The following CHFR variants were observed in gnomAD, a reference collection of about 807,000 sequenced individuals.
CHFR encodes checkpoint with forkhead and ring finger domains.
A neutral mutation model predicts 87.6 loss-of-function variants in CHFR; 57 were observed. The ratio of observed to expected loss-of-function variants is 0.65; its 90% confidence interval spans 0.53 to 0.81. The LOEUF (loss-of-function observed/expected upper bound fraction) is 0.81. Ranked by LOEUF, CHFR falls within the 30% of genes least tolerant of loss-of-function variation. CHFR has a pLI of 0.00. For synonymous variants in CHFR, 381 were observed against 359.2 expected (o/e 1.06, Z -0.69); for missense variants, 797 against 865.8 (o/e 0.92, Z 1.00).
At position 132,835,322 on chromosome 12, in the gene CHFR, G is replaced by A. The variant is rs1014019182; in HGVS notation, c.*6232C>T. On this transcript the variant is annotated 3_prime_UTR_variant, in exon 18 of 18. Coordinates refer to ENST00000450056, the MANE Select transcript of CHFR (RefSeq NM_001161346.2). ...GGCGTGCGAGCTTTGATGGCAGAGT[G>A]TTACAATATGTTCAAGCCCTAAATC... 2.6e-5 allele frequency: 4 copies of A among 152,192 alleles called. No homozygotes were observed. Among genetic ancestry groups the A allele is most frequent in the African/African-American group, 9.7e-5 (4 of 41,428 alleles). The allele number at this position is 152,192 out of a possible 1,614,324, so 9.4% of individuals were successfully genotyped here. A position where few individuals can be genotyped will look rare whatever the true frequency, so the allele number is the denominator to read the frequency against.
intron 12 of CHFR, among the ~76,000 whole-genome samples, chr12:132,850,994 T>C (rs1950931342): frequency 7.0e-6 from 1 of 142,376 alleles, no homozygotes; most frequent in Non-Finnish European, 1.5e-5. Context: ...TATATATATA[T>C]ATATGTTTTG....
intron 10 of CHFR, chr12:132,854,041 G>C (rs1162672617): frequency 6.5e-6 from 1 of 154,530 alleles, no homozygotes; most frequent in East Asian, 1.9e-4. Context: ...AAAACGAGCA[G>C]ATAAAAATGT....
Position 132,869,664 on chromosome 12 carries a change from A to C in CHFR, c.538T>G (p.Ser180Ala), listed in dbSNP as rs1298843354. The change falls in exon 6 of 18, where the codon TCC (serine) becomes GCC (alanine). Residue 180 changes from serine (S) to alanine (A), a missense_variant. Around this residue, in one of 2 missense-constraint regions of CHFR, gnomAD observed 597 missense variants for 601.2 expected, o/e 0.99. Transcript: ENST00000450056. The part of the protein sequence containing the change: ...SDLFPTASAS[S>A]TEPSPAGRER... ...CGCCCTGCAGGAGAAGGCTCCGTGG[A>C]AGAGGCCGAGGCTGTGGGGAAGAGG... is the stretch of plus-strand genomic sequence containing the variant. The C allele has an allele frequency of 6.4e-7, 1 of 1,551,612 alleles. No homozygotes were observed. Among genetic ancestry groups the C allele is most frequent in the Non-Finnish European group, 8.7e-7 (1 of 1,146,974 alleles).
rs2306538 is a variant in CHFR at position 132,847,298 on chromosome 12, G to C, written c.1648-168C>G. 4.4e-6 allele frequency: 6 copies of C among 1,372,940 alleles called. No homozygotes were observed. The South Asian group carries it at 7.6e-5, about 17-fold the overall frequency. 85.0% of individuals were successfully genotyped at this position (1,372,940 alleles called of 1,614,324 possible). A position where few individuals can be genotyped will look rare whatever the true frequency, so the allele number is the denominator to read the frequency against. On this transcript the variant is annotated intron_variant, in intron 14 of 17. Transcript: ENST00000450056. ...GCTGCACGTTCACGGCCTGCAGCAC[G>C]AGAAGTCTTGTCCAAGAGCCTCCTG...
chr12:132,884,146 C>T (rs536715943), intron 2 of CHFR, among the ~76,000 whole-genome samples: 2 of 151,436 alleles, frequency 1.3e-5, no homozygotes, highest in African/African-American at 4.9e-5. Context: ...AGGCCGGGCA[C>T]AGTGGCTCAC....
At chr12:132,858,820 T>C (rs529540046) in intron 8 of CHFR, among the ~76,000 whole-genome samples, 2 of 141,398 alleles carry the variant, frequency 1.4e-5, no homozygotes, top group South Asian at 4.4e-4. Context: ...GGTGTGCACC[T>C]GTAGTCCCAG....
intron 15 of CHFR, among the ~76,000 whole-genome samples, chr12:132,844,577 C>T (rs556524631): frequency 2.0e-5 from 3 of 151,736 alleles, no homozygotes; most frequent in African/African-American, 7.2e-5. Flanking sequence ...AGCCACTGCG[C>T]CCGGCCACCA....
Position 132,841,055 on chromosome 12 carries a change from CA to C in CHFR, c.*498del, listed in dbSNP as rs1950696422. ...TTAAATCTTATTAGAAGATAAGCAC[CA>C]AACCTATTAAAATAAAAAATAGATA... On this transcript the variant is annotated 3_prime_UTR_variant, in exon 18 of 18. Transcript: ENST00000450056. The C allele has an allele frequency of 6.5e-6, 1 of 153,338 alleles. No homozygotes were observed. The highest frequency in any genetic ancestry group is 1.5e-5 in the Non-Finnish European group (1 of 68,646). 9.5% of individuals were successfully genotyped at this position (153,338 alleles called of 1,614,324 possible).
At chr12:132,871,685 T>C (rs1951493823) in intron 4 of CHFR, among the ~76,000 whole-genome samples, 1 of 152,000 alleles carries the variant, frequency 6.6e-6, no homozygotes, top group Non-Finnish European at 1.5e-5. Context: ...GGCAGGAGAA[T>C]TGCTTGAACC....
At chr12:132,882,137 G>A (rs1447486575) in intron 2 of CHFR, among the ~76,000 whole-genome samples, 1 of 152,212 alleles carries the variant, frequency 6.6e-6, no homozygotes, top group Non-Finnish European at 1.5e-5. Flanking sequence ...ACAGGAAGCA[G>A]TATAAATGTC....
chr12:132,870,712 A>C lies in CHFR; in HGVS notation c.403+12T>G, dbSNP rs1490874323. 6 of 1,583,240 alleles carry C rather than the reference A, an allele frequency of 3.8e-6. No individual in the cohort carries two copies. Among genetic ancestry groups the C allele is most frequent in the Non-Finnish European group, 5.2e-6 (6 of 1,152,444 alleles). On this transcript the variant is annotated intron_variant, in intron 5 of 17. Coordinates refer to ENST00000450056, the MANE Select transcript of CHFR (RefSeq NM_001161346.2). ...TAACATGCACCCACTTCTTTGCTAC[A>C]CTCTTACTTACCAAAGGATTCTTGT...
intron 6 of CHFR, among the ~76,000 whole-genome samples, chr12:132,864,987 T>C (rs947220743): frequency 6.6e-6 from 1 of 152,236 alleles, no homozygotes; most frequent in Non-Finnish European, 1.5e-5. Flanking sequence ...GTTTGATTTC[T>C]GAAGAGGGTC....
intron 2 of CHFR, among the ~76,000 whole-genome samples, chr12:132,878,819 C>G (rs941193317): frequency 1.7e-5 from 1 of 58,854 alleles, no homozygotes; most frequent in Admixed American, 1.9e-4. Flanking sequence ...GACTCTGTCT[C>G]AAAAAAAAAA....
intron 8 of CHFR, among the ~76,000 whole-genome samples, chr12:132,858,018 C>A (rs1318582680): frequency 1.3e-5 from 2 of 152,192 alleles, no homozygotes; most frequent in Non-Finnish European, 2.9e-5. Flanking sequence ...TCTACAGCCT[C>A]CGGCTCTGGG....
chr12:132,872,177 G>A (rs752504914), intron 4 of CHFR, 108 bp downstream of exon 4: 18 of 715,428 alleles, frequency 2.5e-5, no homozygotes, highest in Non-Finnish European at 4.5e-5. Flanking sequence ...GGTGTAGCCA[G>A]GAGGAACGTT....
chr12:132,854,194 A>T (rs1951012044), intron 10 of CHFR: 1 of 152,242 alleles, frequency 6.6e-6, no homozygotes. Flanking sequence ...AGGCACAGTG[A>T]AAAGACATTT....
In CHFR at chr12:132,853,550, T is replaced by G; in HGVS notation, c.1253A>C (p.Gln418Pro). ...DISQPYVVCRQCPEYRRQAAQ... is the reference protein window; with the variant it reads ...DISQPYVVCRPCPEYRRQAAQ... ...CGCCTGCCTTCTGTACTCAGGACAC[T>G]GCCGGCACACGACGTATGGCTGGCT... Residue 418 changes from glutamine to proline, a missense_variant, in exon 11 of 18, where the codon CAG (glutamine) becomes CCG (proline). Gln to Pro is a moderately conservative substitution (Grantham distance 76, BLOSUM62 -1). Coordinates refer to ENST00000450056, the MANE Select transcript of CHFR (RefSeq NM_001161346.2). 1 of 1,532,642 alleles carries G rather than the reference T, an allele frequency of 6.5e-7. No homozygotes were observed. The highest frequency in any genetic ancestry group is 8.8e-7 in the Non-Finnish European group (1 of 1,141,852). The allele number at this position is 1,532,642 out of a possible 1,614,324, so 94.9% of individuals were successfully genotyped here.
chr12:132,879,790 A>G (rs2137056829), intron 2 of CHFR, among the ~76,000 whole-genome samples: 1 of 152,338 alleles, frequency 6.6e-6, no homozygotes, highest in South Asian at 2.1e-4. Flanking sequence ...ATTACTGCCT[A>G]TAATAATCTA....
At position 132,887,301 on chromosome 12, in the gene CHFR, A is replaced by G; in HGVS notation, c.28T>C (p.Ser10Pro). The change falls in exon 2 of 18, where the codon TCG becomes CCG. Residue 10 changes from serine to proline, a missense_variant. Coordinates refer to ENST00000450056, the MANE Select transcript of CHFR (RefSeq NM_001161346.2). The part of the protein sequence containing the change: MERPEEGKQ[S>P]PPPQPWGRLL... The stretch of plus-strand genomic sequence containing the variant: ...CGTCCCCAGGGCTGCGGCGGCGGCG[A>G]CTGCTTGCCTTCCTCGGGCCGCTCC... The G allele has an allele frequency of 6.8e-7, 1 of 1,480,916 alleles. No homozygotes were observed. Among genetic ancestry groups the G allele is most frequent in the Non-Finnish European group, 8.9e-7 (1 of 1,123,384 alleles). 91.7% of individuals were successfully genotyped at this position (1,480,916 alleles called of 1,614,324 possible). A position where few individuals can be genotyped will look rare whatever the true frequency, so the allele number is the denominator to read the frequency against.
Sources: gnomAD v4.1 joint callset for allele counts (sites outside exome capture counted in the v4.1 genomes callset) on GRCh38, gnomAD v4.1.1 for gene constraint, gnomAD v4.1.1 regional missense constraint, MANE v1.5 for transcripts, NCBI Gene and HGNC (gene_info 2026-07-23, HGNC 2026-07-21) for gene names.